Variants in LRRC8C observed in about 807,000 individuals in gnomAD.
LRRC8C encodes volume-regulated anion channel subunit LRRC8C.
Under a neutral mutation model 55.3 loss-of-function variants are expected in LRRC8C, and 20 were observed. The observed-to-expected ratio is 0.36, with a 90% CI of 0.25 to 0.53. The LOEUF (loss-of-function observed/expected upper bound fraction) is 0.53, where lower values mean the gene tolerates loss of function less well. Among genes scored for constraint, LRRC8C ranks in the 20% least tolerant of loss-of-function variants. The probability of loss-of-function intolerance (pLI) is 0.92; values close to 1 mark genes in which losing one functional copy is unlikely to be tolerated. For missense variants in LRRC8C, 659 were observed against 951.4 expected (o/e 0.69, Z 4.04); for synonymous variants, 376 against 360.7 (o/e 1.04, Z -0.48).
At chr1:89,706,957 C>T (rs575599929) in intron 2 of LRRC8C, among the ~76,000 whole-genome samples, 3 of 152,076 alleles carry the variant, frequency 2.0e-5, no homozygotes, top group Non-Finnish European at 2.9e-5. Flanking sequence ...TCCATTTAAC[C>T]AATTATTGCA....
At chr1:89,661,212 T>G in intron 1 of LRRC8C, 1 of 225,318 alleles carries the variant, frequency 4.4e-6, no homozygotes, top group Non-Finnish European at 9.1e-6. Context: ...AAACATTTGT[T>G]AGAAATCTGG....
intron 2 of LRRC8C, among the ~76,000 whole-genome samples, chr1:89,701,316 A>G (rs1000482362): frequency 6.6e-6 from 1 of 152,066 alleles, no homozygotes; most frequent in African/African-American, 2.4e-5. Context: ...CTCTACTAAA[A>G]CTACAAAAAA....
rs77125519 is a variant in LRRC8C at position 89,666,545 on chromosome 1, A to T, written c.-4-19925A>T. Among the ~76,000 whole-genome samples the T allele has an allele frequency of 5.9e-5, 9 of 152,200 alleles. No homozygotes were observed. In the East Asian group the frequency reaches 1.7e-3, roughly 29 times the overall value. ...ATTGTCCTTTTCCAGCTCCATGCAG[A>T]TCTCTCAGGTGGCCTCTTTGACTTC... On this transcript the variant is annotated intron_variant, in intron 1 of 2. Coordinates refer to ENST00000370454, the MANE Select transcript of LRRC8C (RefSeq NM_032270.5).
chr1:89,707,494 T>C (rs920050815), intron 2 of LRRC8C, among the ~76,000 whole-genome samples: 15 of 152,046 alleles, frequency 9.9e-5, no homozygotes, highest in African/African-American at 3.6e-4. Context: ...AAGGATTAGG[T>C]TCCCATGGTC....
chr1:89,651,762 T>A (rs1656791347), intron 1 of LRRC8C, among the ~76,000 whole-genome samples: 1 of 152,114 alleles, frequency 6.6e-6, no homozygotes, highest in Non-Finnish European at 1.5e-5. Context: ...AGTAGGCTAA[T>A]TCAGAGATTT....
chr1:89,697,985 C>T (rs1658220756), intron 2 of LRRC8C, among the ~76,000 whole-genome samples: 1 of 152,018 alleles, frequency 6.6e-6, no homozygotes, highest in African/African-American at 2.4e-5. Context: ...GTTAGTATGT[C>T]AATATTTACA....
chr1:89,678,894 G>C (rs183200673), intron 1 of LRRC8C, among the ~76,000 whole-genome samples: 162 of 152,282 alleles, frequency 1.1e-3, no homozygotes, highest in African/African-American at 3.8e-3. Flanking sequence ...GGGAATAGGG[G>C]ACTGGGACAG....
intron 2 of LRRC8C, among the ~76,000 whole-genome samples, chr1:89,694,990 T>G (rs1658133432): frequency 6.6e-6 from 1 of 151,478 alleles, no homozygotes; most frequent in Non-Finnish European, 1.5e-5. Context: ...GGCTCAATCT[T>G]GGCTCACTGC....
chr1:89,654,197 G>A (rs1242084695), intron 1 of LRRC8C, among the ~76,000 whole-genome samples: 2 of 152,136 alleles, frequency 1.3e-5, no homozygotes, highest in Admixed American at 6.5e-5. Context: ...TTTTCATTGA[G>A]AAGTAGGAGC....
chr1:89,694,390 A>C (rs1369129825), intron 2 of LRRC8C, among the ~76,000 whole-genome samples: 1 of 152,142 alleles, frequency 6.6e-6, no homozygotes, highest in African/African-American at 2.4e-5. Flanking sequence ...AACATTCTAC[A>C]GATGTCCACT....
chr1:89,644,079 TA>T (rs1262060373), intron 1 of LRRC8C, among the ~76,000 whole-genome samples: 1 of 152,218 alleles, frequency 6.6e-6, no homozygotes, highest in East Asian at 1.9e-4. Context: ...TTTCAAAAAA[TA>T]AAACATCAAT....
At chr1:89,688,540 T>C (rs1479505091) in intron 2 of LRRC8C, among the ~76,000 whole-genome samples, 1 of 152,158 alleles carries the variant, frequency 6.6e-6, no homozygotes, top group Non-Finnish European at 1.5e-5. Context: ...AAGGTGACTT[T>C]TGGCCAAGGA....
At chr1:89,651,084 G>A (rs993832530) in intron 1 of LRRC8C, among the ~76,000 whole-genome samples, 1 of 152,158 alleles carries the variant, frequency 6.6e-6, no homozygotes, top group Non-Finnish European at 1.5e-5. Context: ...GAAGTACCTT[G>A]ATCCAGAGGC....
At chr1:89,635,258 A>G (rs963771685) in intron 1 of LRRC8C, among the ~76,000 whole-genome samples, 7 of 152,236 alleles carry the variant, frequency 4.6e-5, no homozygotes, top group African/African-American at 1.7e-4. Flanking sequence ...AATACTCTAT[A>G]GTATTATTAA....
intron 1 of LRRC8C, among the ~76,000 whole-genome samples, chr1:89,638,967 A>ATTTTATTTTATTTTATTTTATT (rs1553163816): frequency 0.015 from 2,112 of 137,898 alleles, 62 homozygotes; most frequent in African/African-American, 0.054. Context: ...TATTTTACTT[A>ATTTTATTTTATTTTATTTTATT]TTATTTTATT....
the LRRC8C span, among the ~76,000 whole-genome samples, chr1:89,621,177 T>A: frequency 6.6e-6 from 1 of 152,072 alleles, no homozygotes; most frequent in African/African-American, 2.4e-5. Flanking sequence ...AAAATTCCTT[T>A]TGGCCAGGCG....
At chr1:89,688,851 T>G (rs569549921) in intron 2 of LRRC8C, among the ~76,000 whole-genome samples, 2 of 152,334 alleles carry the variant, frequency 1.3e-5, no homozygotes, top group Non-Finnish European at 2.9e-5. Context: ...TCATTGGACT[T>G]CTGTGACTGT....
the LRRC8C span, among the ~76,000 whole-genome samples, chr1:89,621,251 G>A: frequency 6.7e-6 from 1 of 150,218 alleles, no homozygotes; most frequent in South Asian, 2.1e-4. Context: ...ATGAGGTCAG[G>A]AGATCGAGAT....
Position 89,712,744 on chromosome 1 carries a change from A to C in LRRC8C, c.174A>C (p.Arg58Ser), listed in dbSNP as rs1039821724. 3.1e-6 allele frequency: 5 copies of C among 1,614,072 alleles called. No homozygotes were observed. Among genetic ancestry groups the C allele is most frequent in the Admixed American group, 1.7e-5 (1 of 59,992 alleles). ...MQDKIICLPK[R>S]VQPAQNHSSL... ...ACAAGATAATCTGCCTTCCGAAAAG[A>C]GTGCAGCCTGCTCAGAACCACTCTT... Residue 58 changes from arginine (R) to serine (S), a missense_variant, in exon 3 of 3, where the codon AGA becomes AGC. By Grantham distance (110) the Arg-to-Ser change is moderately radical (BLOSUM62 -1). This residue lies in a region of LRRC8C where 82 missense variants were observed against 71.4 expected (regional missense o/e 1.15). Transcript: ENST00000370454.
Sources: allele counts gnomAD v4.1 joint callset (sites outside exome capture counted in the v4.1 genomes callset), GRCh38; gene constraint gnomAD v4.1.1; regional missense constraint gnomAD v4.1.1; transcripts MANE v1.5; gene names NCBI Gene and HGNC (gene_info 2026-07-23, HGNC 2026-07-21).